SCAP: variants seen among roughly 807,000 people sequenced by gnomAD.
SCAP encodes the protein SREBF chaperone.
Under a neutral mutation model 123.6 loss-of-function variants are expected in SCAP, and 65 were observed. The ratio of observed to expected loss-of-function variants is 0.53; its 90% CI spans 0.43 to 0.65. The LOEUF is 0.65. Among genes scored for constraint, SCAP ranks in the 30% least tolerant of loss-of-function variants. The pLI is 0.00. For synonymous variants in SCAP, 740 were observed against 726.3 expected, an observed-to-expected ratio of 1.02 and a Z score of -0.30; for missense variants, 1,398 against 1,712.5, an observed-to-expected ratio of 0.82 and a Z score of 3.24.
rs1432201668 is a variant in SCAP, at chr3:47,435,037, G to C, written c.223C>G (p.Gln75Glu). ...SPPPVDSDRK[Q>E]GEPTEQPEWY... ...TCAGGCTGCTCAGTAGGCTCTCCTT[G>C]TTTGCGGTCAGAGTCCACAGGTGGG... Residue 75 changes from glutamine to glutamate, a missense_variant, in exon 3 of 23, where the codon CAA becomes GAA. Around this residue, in one of 7 missense-constraint regions of SCAP, gnomAD observed 319 missense variants for 432.4 expected, o/e 0.74. Coordinates refer to ENST00000265565, the MANE Select transcript of SCAP (RefSeq NM_012235.4). The C allele has an allele frequency of 6.2e-7, 1 of 1,614,042 alleles. No homozygotes were observed. Among genetic ancestry groups the C allele is most frequent in the East Asian group, 2.2e-5 (1 of 44,902 alleles).
rs763598735 is a variant in SCAP at position 47,422,448 on chromosome 3, G to A, written c.1239C>T (p.Ala413=). 39 of 1,613,190 alleles carry A rather than the reference G, an allele frequency of 2.4e-5. No individual in the cohort carries two copies. Among genetic ancestry groups the A allele is most frequent in the Non-Finnish European group, 3.2e-5 (38 of 1,179,642 alleles). The part of the protein sequence containing the change: ...ILIGYFTLVP[A]IQEFCLFAVV... Reference sequence around the variant, plus strand: ...GCAGGCCTTGGGGCCTTACCTGGATGGCGGGCACTAGGGTGAAGTAGCCGA... The same window carrying A: ...GCAGGCCTTGGGGCCTTACCTGGATAGCGGGCACTAGGGTGAAGTAGCCGA... Residue 413 remains alanine, a synonymous_variant, in exon 10 of 23, where the codon GCC becomes GCT. Transcript: ENST00000265565.
At chr3:47,430,161 TGA>T (rs1176738301) in intron 3 of SCAP, among the ~76,000 whole-genome samples, 2 of 152,208 alleles carry the variant, frequency 1.3e-5, no homozygotes, top group African/African-American at 4.8e-5. Flanking sequence ...TCACTTCATC[TGA>T]CCCTCACAAC....
chr3:47,414,526 T>A (rs777658182), intron 21 of SCAP, 46 bp downstream of exon 21: 42 of 1,608,382 alleles, frequency 2.6e-5, no homozygotes, highest in Non-Finnish European at 2.6e-5. Flanking sequence ...TCAGCAAACA[T>A]GGGCCACAGA....
In SCAP at chr3:47,419,294, C is replaced by A. The variant is rs368534243; in HGVS notation, c.1940+34G>T. 11 of 1,577,576 alleles carry A rather than the reference C, an allele frequency of 7.0e-6. No individual in the cohort carries two copies. In the Admixed American group the frequency reaches 1.7e-4, roughly 25 times the overall value. On this transcript the variant is annotated intron_variant, in intron 13 of 22. Transcript: ENST00000265565. The surrounding 1 kb of genome is among the most constrained non-coding windows in gnomAD (Gnocchi z 5.0). The stretch of plus-strand genomic sequence containing the variant: ...AAAGGGGATGGTGAGTTGACACCAT[C>A]GAGTGAGGTGGCACCTGGCACGGCC...
chr3:47,438,818 C>CA (rs58162151), intron 2 of SCAP, among the ~76,000 whole-genome samples: 7,606 of 117,314 alleles, frequency 0.065, 245 homozygotes, highest in Non-Finnish European at 0.086. Flanking sequence ...GACCCTGTCT[C>CA]AAAAAAAAAA....
intron 1 of SCAP, among the ~76,000 whole-genome samples, chr3:47,459,287 C>T (rs1707540130): frequency 6.6e-6 from 1 of 152,232 alleles, no homozygotes; most frequent in Non-Finnish European, 1.5e-5. Context: ...GCCACACAGG[C>T]TAAACACCCT....
chr3:47,430,583 G>C (rs1415262347), intron 3 of SCAP, among the ~76,000 whole-genome samples: 1 of 152,218 alleles, frequency 6.6e-6, no homozygotes, highest in Non-Finnish European at 1.5e-5. Flanking sequence ...TTACGAGGAA[G>C]ATGACAAGCA....
chr3:47,420,586 C>A lies in SCAP; in HGVS notation c.1531G>T (p.Ala511Ser). Residue 511 changes from alanine to serine, a missense_variant, in exon 12 of 23, where the codon GCC becomes TCC. Ala to Ser is a moderately conservative substitution (Grantham distance 99). This residue lies in a region of SCAP where 828 missense variants were observed against 882.5 expected (regional missense o/e 0.94). Coordinates refer to ENST00000265565, the MANE Select transcript of SCAP (RefSeq NM_012235.4). The surrounding 1 kb of genome is among the most constrained non-coding windows in gnomAD (Gnocchi z 5.0). ...PKRLRVVYFL[A>S]RTRLAQRLIM... ...AGGCGCTGTGCCAGGCGGGTGCGGG[C>A]CAGGAAGTAGACAACACGCAGCCTC... is the stretch of plus-strand genomic sequence containing the variant. The A allele has an allele frequency of 6.2e-7, 1 of 1,609,790 alleles. No homozygotes were observed. Among genetic ancestry groups the A allele is most frequent in the Non-Finnish European group, 8.5e-7 (1 of 1,178,738 alleles).
At chr3:47,472,466 T>TAAC (rs1220429134) in intron 1 of SCAP, among the ~76,000 whole-genome samples, 11 of 148,146 alleles carry the variant, frequency 7.4e-5, no homozygotes, top group African/African-American at 2.5e-4. Context: ...AATAAAATAA[T>TAAC]AATAATAATA....
At chr3:47,452,652 G>A (rs1707267948) in intron 1 of SCAP, among the ~76,000 whole-genome samples, 1 of 152,114 alleles carries the variant, frequency 6.6e-6, no homozygotes, top group African/African-American at 2.4e-5. Context: ...TGGCGGTGAG[G>A]CCCAGAAATC....
In SCAP at chr3:47,420,962, G is replaced by GTGGT; in HGVS notation, c.1309_1312dup (p.Thr438AsnfsTer7). 6.2e-7 allele frequency: 1 copy of GTGGT among 1,613,990 alleles called. No individual in the cohort carries two copies. The highest frequency in any genetic ancestry group is 1.3e-5 in the African/African-American group (1 of 75,054). ...CCGGCGAATGTCAATGGACAGGACA[G>GTGGT]TGGTGAAAAACAGCATCTGAAGGAA... On this transcript the variant is annotated frameshift_variant, in exon 11 of 23. Coordinates refer to ENST00000265565, the MANE Select transcript of SCAP (RefSeq NM_012235.4). LOFTEE classifies it high-confidence loss of function. The surrounding 1 kb of genome is among the most constrained non-coding windows in gnomAD (Gnocchi z 5.0).
At position 47,443,079 on chromosome 3, in the gene SCAP, C is replaced by A; in HGVS notation, c.-86G>T. 5 of 1,592,906 alleles carry A rather than the reference C, an allele frequency of 3.1e-6. No homozygotes were observed. The highest frequency in any genetic ancestry group is 4.3e-6 in the Non-Finnish European group (5 of 1,169,374). On this transcript the variant is annotated 5_prime_UTR_variant, in exon 2 of 23. An upstream start codon of the reference 5' UTR is lost. Coordinates refer to ENST00000265565, the MANE Select transcript of SCAP (RefSeq NM_012235.4). ...ACTTGACAGCACTGACAAAGAACAA[C>A]ATGTGCAGGTACCTGGTAAGAAGGG...
At chr3:47,458,617 G>C (rs1329347632) in intron 1 of SCAP, among the ~76,000 whole-genome samples, 2 of 152,130 alleles carry the variant, frequency 1.3e-5, no homozygotes, top group Admixed American at 1.3e-4. Context: ...AATTATATTA[G>C]TTGGTTGTAA....
chr3:47,472,892 C>G (rs1236003102), intron 1 of SCAP, among the ~76,000 whole-genome samples: 1 of 151,838 alleles, frequency 6.6e-6, no homozygotes, highest in Admixed American at 6.6e-5. Context: ...ACCAGCCTGA[C>G]CAATAGGGAG....
In SCAP at chr3:47,428,642, T is replaced by G; in HGVS notation, c.281A>C (p.Gln94Pro). 6.2e-7 allele frequency: 1 copy of G among 1,614,026 alleles called. No individual in the cohort carries two copies. The highest frequency in any genetic ancestry group is 8.5e-7 in the Non-Finnish European group (1 of 1,180,014). Reference sequence around the variant, plus strand: ...CACTGAGGACTTCACAAATATCTGCTGGACATAAGCCACCGGGGCACCCAC... The same window carrying G: ...CACTGAGGACTTCACAAATATCTGCGGGACATAAGCCACCGGGGCACCCAC... ...WYVGAPVAYV[Q>P]QIFVKSSVFP... is the part of the protein sequence containing the mutation. Residue 94 changes from glutamine (Q) to proline (P), a missense_variant, in exon 4 of 23, where the codon CAG becomes CCG. Physicochemically the swap from Gln to Pro is moderately conservative, Grantham distance 76. This residue lies in a region of SCAP where 319 missense variants were observed against 432.4 expected (regional missense o/e 0.74). Transcript: ENST00000265565.
At chr3:47,445,760 T>TA (rs1707012899) in intron 1 of SCAP, among the ~76,000 whole-genome samples, 1 of 151,434 alleles carries the variant, frequency 6.6e-6, no homozygotes, top group South Asian at 2.1e-4. Flanking sequence ...TTAGTAGAGA[T>TA]GGGGTTTCAC....
chr3:47,458,367 T>C (rs2107983668), intron 1 of SCAP, among the ~76,000 whole-genome samples: 1 of 151,884 alleles, frequency 6.6e-6, no homozygotes, highest in Non-Finnish European at 1.5e-5. Flanking sequence ...AGGCAGAGGT[T>C]GCAGTGAGCT....
intron 2 of SCAP, among the ~76,000 whole-genome samples, chr3:47,440,992 C>G (rs1335276225): frequency 6.6e-6 from 1 of 151,928 alleles, no homozygotes; most frequent in Admixed American, 6.6e-5. Flanking sequence ...ATCTCCGTCT[C>G]CCGGGTTCAA....
rs753993581 is a variant in SCAP at position 47,424,006 on chromosome 3, C to T, written c.1077G>A (p.Glu359=). The T allele has an allele frequency of 4.3e-6, 7 of 1,614,194 alleles. No individual in the cohort carries two copies. The highest frequency in any genetic ancestry group is 5.9e-6 in the Non-Finnish European group (7 of 1,180,026). ...FPYLVVVIGL[E]NVLVLTKSVV... is the part of the protein sequence containing the mutation. ...CAGACTTGGTGAGCACCAACACATT[C>T]TCTAACCCAATAACCACCACAAGGT... Residue 359 remains glutamate, a synonymous_variant, in exon 9 of 23, where the codon GAG becomes GAA. Coordinates refer to ENST00000265565, the MANE Select transcript of SCAP (RefSeq NM_012235.4).
Sources: allele counts gnomAD v4.1 joint callset (sites outside exome capture counted in the v4.1 genomes callset), GRCh38; gene constraint gnomAD v4.1.1; regional missense constraint gnomAD v4.1.1; non-coding constraint Gnocchi (gnomAD v3.1); transcripts MANE v1.5; gene names NCBI Gene and HGNC (gene_info 2026-07-23, HGNC 2026-07-21).